Variants in GAPVD1 observed in about 807,000 individuals in gnomAD.
GAPVD1 encodes GTPase activating protein and VPS9 domains 1.
In GAPVD1, 35 loss-of-function variants were observed where a neutral mutation model predicts 155.5. That is an observed-to-expected ratio of 0.23 (90% CI 0.17 to 0.30). The LOEUF is 0.30. Among genes scored for constraint, GAPVD1 ranks in the 10% least tolerant of loss-of-function variants. GAPVD1 has a pLI of 1.00. For missense variants in GAPVD1, 1,429 were observed against 1,775.7 expected (o/e 0.80, Z 3.51); for synonymous variants, 636 against 619.7 (o/e 1.03, Z -0.39).
chr9:125,292,613 C>T (rs1443883516), intron 2 of GAPVD1, among the ~76,000 whole-genome samples: 1 of 152,060 alleles, frequency 6.6e-6, no homozygotes, highest in East Asian at 1.9e-4. Context: ...AGGTCTTGAA[C>T]TCCTGACCTC....
At position 125,265,524 on chromosome 9, in the gene GAPVD1, C is replaced by T. The variant is rs527830968; in HGVS notation, c.-198-3412C>T. On this transcript the variant is annotated intron_variant, in intron 1 of 27. Transcript: ENST00000297933. ...CTCCCGGGTTCCAGCGATTCTCCTG[C>T]CTCAGTCTCCCTCCTGGGCTGGGAC... is the stretch of plus-strand genomic sequence containing the variant. Among the ~76,000 whole-genome samples the T allele has an allele frequency of 6.6e-5, 10 of 151,534 alleles. No homozygotes were observed. In the South Asian group the frequency reaches 2.1e-3, roughly 32 times the overall value.
intron 6 of GAPVD1, among the ~76,000 whole-genome samples, chr9:125,306,149 TC>T (rs1374175604): frequency 6.6e-6 from 1 of 151,854 alleles, no homozygotes; most frequent in African/African-American, 2.4e-5. Flanking sequence ...CACAAAACAT[TC>T]TTTTTTTTTT....
intron 20 of GAPVD1, among the ~76,000 whole-genome samples, chr9:125,347,614 G>A (rs1848673442): frequency 6.6e-6 from 1 of 151,876 alleles, no homozygotes. Context: ...GTAATCCTCA[G>A]ATGGTTGAGG....
chr9:125,331,977 C>G lies in GAPVD1; in HGVS notation c.2225C>G (p.Ser742Cys). The G allele has an allele frequency of 1.9e-6, 3 of 1,613,842 alleles. No individual in the cohort carries two copies. The highest frequency in any genetic ancestry group is 2.5e-6 in the Non-Finnish European group (3 of 1,179,772). ...EERLQELESCSGLGSTSDDTD... is the reference protein window; with the variant it reads ...EERLQELESCCGLGSTSDDTD... The stretch of plus-strand genomic sequence containing the variant: ...CGTCTGCAAGAACTGGAGAGCTGTT[C>G]TGGACTGGGTAGCACATCTGATGAT... Residue 742 changes from serine (S) to cysteine (C), a missense_variant, in exon 14 of 28, where the codon TCT becomes TGT. Coordinates refer to ENST00000297933, the MANE Select transcript of GAPVD1 (RefSeq NM_001282680.3).
At chr9:125,320,140 G>C (rs1844089348) in intron 9 of GAPVD1, among the ~76,000 whole-genome samples, 1 of 152,070 alleles carries the variant, frequency 6.6e-6, no homozygotes, top group Non-Finnish European at 1.5e-5. Context: ...TTTGTGGTAA[G>C]TTTTTTTCTT....
intron 13 of GAPVD1, 81 bp downstream of exon 13, chr9:125,330,299 T>C: frequency 2.2e-6 from 2 of 917,928 alleles, no homozygotes; most frequent in Admixed American, 2.8e-5. Flanking sequence ...CTGTATTATG[T>C]ATATTTTGTC....
intron 27 of GAPVD1, among the ~76,000 whole-genome samples, chr9:125,361,151 G>A (rs543503339): frequency 6.6e-6 from 1 of 152,196 alleles, no homozygotes; most frequent in African/African-American, 2.4e-5. Context: ...TCATAGACAT[G>A]AGCCACCGCG....
At position 125,352,762 on chromosome 9, in the gene GAPVD1, C is replaced by T. The variant is rs565705630; in HGVS notation, c.3569+1890C>T. On this transcript the variant is annotated intron_variant, in intron 23 of 27. Coordinates refer to ENST00000297933, the MANE Select transcript of GAPVD1 (RefSeq NM_001282680.3). ...CAGAAAATGGGATTTTGTTTTCTAT[C>T]GCATTGTCAGGCTGCAAAGTTTCTG... Among the ~76,000 whole-genome samples, 19 of 152,296 alleles carry T rather than the reference C, an allele frequency of 1.2e-4. 1 individual carries two copies. In the South Asian group the frequency reaches 2.5e-3, roughly 20 times the overall value.
At chr9:125,264,280 A>G (rs1833462788) in intron 1 of GAPVD1, among the ~76,000 whole-genome samples, 1 of 151,626 alleles carries the variant, frequency 6.6e-6, no homozygotes, top group Admixed American at 6.6e-5. Flanking sequence ...CTGCGACCTC[A>G]GCTTCCTGGG....
intron 4 of GAPVD1, among the ~76,000 whole-genome samples, chr9:125,300,083 ATATATATATATG>A (rs1840619299): frequency 9.9e-6 from 1 of 101,232 alleles, no homozygotes; most frequent in African/African-American, 3.8e-5. Flanking sequence ...ATATATATAT[ATATATATATATG>A]TATTTCCATG....
At chr9:125,336,290 C>CA (rs34270139) in intron 15 of GAPVD1, among the ~76,000 whole-genome samples, 1,338 of 129,110 alleles carry the variant, frequency 0.01, 9 homozygotes, top group East Asian at 0.019. Flanking sequence ...AGCTTGAGAC[C>CA]AAAAAAAAAA....
intron 10 of GAPVD1, among the ~76,000 whole-genome samples, chr9:125,322,174 C>T (rs910458920): frequency 6.6e-6 from 1 of 152,020 alleles, no homozygotes; most frequent in Admixed American, 6.6e-5. Flanking sequence ...ACGCCATTCT[C>T]CTGCCTCAGC....
chr9:125,354,315 A>C lies in GAPVD1; in HGVS notation c.3570-339A>C, dbSNP rs550421381. Among the ~76,000 whole-genome samples the C allele has an allele frequency of 2.0e-5, 3 of 152,336 alleles. No homozygotes were observed. The East Asian group carries it at 5.8e-4, about 29-fold the overall frequency. ...ATCTGTAGCTGTCAATTTCCTATTA[A>C]GTATGAGGTCCTATAGCTCCAGTAT... On this transcript the variant is annotated intron_variant, in intron 23 of 27. Coordinates refer to ENST00000297933, the MANE Select transcript of GAPVD1 (RefSeq NM_001282680.3).
chr9:125,293,876 A>ATATATATATATAAATATATTTTATATATT (rs1839305079), intron 2 of GAPVD1, among the ~76,000 whole-genome samples: 22 of 18,212 alleles, frequency 1.2e-3, no homozygotes, highest in African/African-American at 5.4e-3. Flanking sequence ...ATATATATAT[A>ATATATATATATAAATATATTTTATATATT]TATATATATA....
At chr9:125,272,942 G>A (rs1465621478) in intron 2 of GAPVD1, among the ~76,000 whole-genome samples, 3 of 152,088 alleles carry the variant, frequency 2.0e-5, no homozygotes, top group African/African-American at 4.8e-5. Context: ...TCCTTCATTC[G>A]GTTGTTTTGT....
chr9:125,291,520 A>G (rs1838607937), intron 2 of GAPVD1, among the ~76,000 whole-genome samples: 1 of 152,170 alleles, frequency 6.6e-6, no homozygotes, highest in Admixed American at 6.6e-5. Context: ...AAAAGGTGGT[A>G]AGATCAATGG....
intron 2 of GAPVD1, among the ~76,000 whole-genome samples, chr9:125,269,672 G>A (rs1381776052): frequency 1.4e-5 from 2 of 144,618 alleles, no homozygotes; most frequent in Non-Finnish European, 1.5e-5. Context: ...TGATCCACCC[G>A]CTGTGCTGGG....
At chr9:125,329,110 G>A (rs1366018848) in intron 12 of GAPVD1, among the ~76,000 whole-genome samples, 2 of 151,888 alleles carry the variant, frequency 1.3e-5, no homozygotes, top group East Asian at 1.9e-4. Context: ...GAGGGAGACC[G>A]TGGGGAGAGG....
intron 9 of GAPVD1, among the ~76,000 whole-genome samples, chr9:125,317,540 G>A (rs978539557): frequency 9.3e-5 from 14 of 150,730 alleles, no homozygotes; most frequent in African/African-American, 2.9e-4. Context: ...TAGGAGAATC[G>A]CTTGAACTTG....
Sources: gnomAD v4.1 joint callset for allele counts (sites outside exome capture counted in the v4.1 genomes callset) on GRCh38, gnomAD v4.1.1 for gene constraint, MANE v1.5 for transcripts, NCBI Gene and HGNC (gene_info 2026-07-23, HGNC 2026-07-21) for gene names.